Variants in PAH observed in about 807,000 individuals in gnomAD.
PAH encodes the protein phenylalanine-4-hydroxylase.
A neutral mutation model predicts 62.0 loss-of-function variants in PAH; 64 were observed. The ratio of observed to expected loss-of-function variants is 1.03; its 90% confidence interval spans 0.84 to 1.27. The LOEUF (loss-of-function observed/expected upper bound fraction) is 1.27. Ranked by LOEUF, PAH falls within the 50% of genes most tolerant of loss-of-function variation. The pLI is 0.00. For synonymous variants in PAH, 195 were observed against 196.2 expected (o/e 0.99, Z 0.05); for missense variants, 579 against 542.8 (o/e 1.07, Z -0.66).
intron 5 of PAH, among the ~76,000 whole-genome samples, chr12:102,856,301 T>G (rs1287640141): frequency 6.6e-6 from 1 of 152,116 alleles, no homozygotes; most frequent in Non-Finnish European, 1.5e-5. Flanking sequence ...TGATGCAAAC[T>G]ATAGTTTAAA....
chr12:102,858,231 G>T (rs1337431705), intron 5 of PAH, among the ~76,000 whole-genome samples: 1 of 152,078 alleles, frequency 6.6e-6, no homozygotes, highest in Non-Finnish European at 1.5e-5. Context: ...GACAAAGAAG[G>T]TCACTACACA....
chr12:102,957,441 C>A lies in PAH; in HGVS notation c.-96+754G>T, dbSNP rs1008546964. 3.3e-5 allele frequency among the ~76,000 whole-genome samples: 5 copies of A among 151,538 alleles called. No homozygotes were observed. Among genetic ancestry groups the A allele is most frequent in the Non-Finnish European group, 5.9e-5 (4 of 67,944 alleles). ...GCGCCAGGCGCACGCACTGCAACAA[C>A]AAACCCAGCTGAATGGAGAGTTTGC... On this transcript the variant is annotated intron_variant, in intron 1 of 4. Transcript: ENST00000551337. The surrounding 1 kb of genome is among the most constrained non-coding windows in gnomAD (Gnocchi z 4.1).
chr12:102,868,126 G>GTA (rs1182277046), intron 4 of PAH, among the ~76,000 whole-genome samples: 645 of 6,316 alleles, frequency 0.1, 82 homozygotes, highest in Non-Finnish European at 0.26. Flanking sequence ...ACATATATGT[G>GTA]TATATATATA....
rs1879974226 is a variant in PAH, at chr12:102,957,894, G to A, written c.-96+301C>T. The A allele has an allele frequency of 1.4e-5, 3 of 207,322 alleles. No individual in the cohort carries two copies. The highest frequency in any genetic ancestry group is 6.9e-5 in the African/African-American group (3 of 43,550). 12.8% of individuals were successfully genotyped at this position (207,322 alleles called of 1,614,324 possible). A position where few individuals can be genotyped will look rare whatever the true frequency, so the allele number is the denominator to read the frequency against. ...CAGAGCGCGTTCAGCACTGACTTTT[G>A]CTGCTGCTTCTGCTTTTTTTTTTCT... On this transcript the variant is annotated intron_variant, in intron 1 of 4. Transcript: ENST00000551337. This position sits in a 1 kb window ranked among gnomAD's most constrained non-coding sequence, Gnocchi z 4.1.
At chr12:102,856,682 T>C (rs11111404) in intron 5 of PAH, among the ~76,000 whole-genome samples, 42,680 of 152,084 alleles carry the variant, frequency 0.28, 6,625 homozygotes, top group East Asian at 0.75. Flanking sequence ...CAGAAATATT[T>C]GCTGTTCTGC....
chr12:102,885,174 T>G (rs1876979961), intron 3 of PAH, among the ~76,000 whole-genome samples: 1 of 152,144 alleles, frequency 6.6e-6, no homozygotes, highest in African/African-American at 2.4e-5. Flanking sequence ...AGGACAGCCT[T>G]GAGTCTGCCC....
intron 11 of PAH, among the ~76,000 whole-genome samples, chr12:102,842,706 C>T (rs1874644574): frequency 6.6e-6 from 1 of 152,114 alleles, no homozygotes; most frequent in South Asian, 2.1e-4. Flanking sequence ...TCTTTCCTCC[C>T]TCATGTCTCT....
intron 1 of PAH, among the ~76,000 whole-genome samples, chr12:102,925,687 C>T (rs1000454334): frequency 1.3e-5 from 2 of 152,092 alleles, no homozygotes; most frequent in African/African-American, 4.8e-5. Flanking sequence ...TCGTTTTAGT[C>T]TAACTTTTCC....
At chr12:102,910,323 C>T (rs1307459033) in intron 2 of PAH, among the ~76,000 whole-genome samples, 1 of 151,348 alleles carries the variant, frequency 6.6e-6, no homozygotes, top group African/African-American at 2.4e-5. Flanking sequence ...TGTCATACCA[C>T]AGGAATCACA....
At chr12:102,848,436 A>G (rs1421571089) in intron 8 of PAH, among the ~76,000 whole-genome samples, 122 of 72,030 alleles carry the variant, frequency 1.7e-3, no homozygotes, top group East Asian at 5.9e-3. Flanking sequence ...GAGGTTGAGG[A>G]TAGACAGGAC....
At chr12:102,886,209 G>C (rs1441741711) in intron 3 of PAH, 1 of 152,216 alleles carries the variant, frequency 6.6e-6, no homozygotes, top group Non-Finnish European at 1.5e-5. Context: ...CAGAAGTCAG[G>C]AGTGGTGATT....
chr12:102,940,765 CA>C (rs1879258968), intron 1 of PAH, among the ~76,000 whole-genome samples: 1 of 152,132 alleles, frequency 6.6e-6, no homozygotes, highest in Non-Finnish European at 1.5e-5. Flanking sequence ...ATATCGTCCA[CA>C]AAAATTTTCC....
At chr12:102,956,868 G>A (rs1472711045) in intron 1 of PAH, among the ~76,000 whole-genome samples, 1 of 152,010 alleles carries the variant, frequency 6.6e-6, no homozygotes, top group Non-Finnish European at 1.5e-5. Context: ...CTCAGTTATG[G>A]GGAGCACATC....
intron 2 of PAH, among the ~76,000 whole-genome samples, chr12:102,895,889 T>TATATATATATATATATATAG (rs1877486371): frequency 6.8e-6 from 1 of 147,276 alleles, no homozygotes; most frequent in African/African-American, 2.5e-5. Flanking sequence ...TATATATATA[T>TATATATATATATATATATAG]ATGTATATAA....
In PAH at chr12:102,943,378, C is replaced by A. The variant is rs536879417; in HGVS notation, c.-96+7211G>T. On this transcript the variant is annotated intron_variant, in intron 1 of 3. Transcript: ENST00000546844. ...TCAAAACCACAATGAGATACCATCT[C>A]ACACTAATCAGAATGGCGATCATGA... is the stretch of plus-strand genomic sequence containing the variant. Among the ~76,000 whole-genome samples, 9 of 152,238 alleles carry A rather than the reference C, an allele frequency of 5.9e-5. No homozygotes were observed. In the East Asian group the frequency reaches 1.5e-3, roughly 26 times the overall value.
Position 102,866,552 on chromosome 12 carries a change from G to A in PAH, c.509+44C>T, listed in dbSNP as rs1350292885. The A allele has an allele frequency of 5.5e-6, 8 of 1,443,246 alleles. No individual in the cohort carries two copies. The African/African-American group carries it at 8.4e-5, about 15-fold the overall frequency. 89.4% of individuals were successfully genotyped at this position (1,443,246 alleles called of 1,614,324 possible). A position where few individuals can be genotyped will look rare whatever the true frequency, so the allele number is the denominator to read the frequency against. ...GAGGGCAAGGGAGAAGCAGGCTAGGGGTGTGTTTTTCTCTCTTCCCCTCAA... is the reference window on the plus strand; with the variant it reads ...GAGGGCAAGGGAGAAGCAGGCTAGGAGTGTGTTTTTCTCTCTTCCCCTCAA... On this transcript the variant is annotated intron_variant, in intron 5 of 12. Coordinates refer to ENST00000553106, the MANE Select transcript of PAH (RefSeq NM_000277.3).
intron 11 of PAH, among the ~76,000 whole-genome samples, chr12:102,842,623 G>A (rs998833596): frequency 1.3e-5 from 2 of 152,148 alleles, no homozygotes; most frequent in African/African-American, 2.4e-5. Flanking sequence ...GTCTGGGGGG[G>A]ATGGAATTTG....
chr12:102,907,582 G>A (rs78814848), intron 2 of PAH, among the ~76,000 whole-genome samples: 10 of 151,794 alleles, frequency 6.6e-5, no homozygotes, highest in Admixed American at 1.3e-4. Context: ...CTCTCTTAAC[G>A]TAGCATCTTT....
intron 3 of PAH, among the ~76,000 whole-genome samples, chr12:102,893,771 C>A (rs1438692789): frequency 1.3e-5 from 2 of 152,222 alleles, no homozygotes; most frequent in Non-Finnish European, 2.9e-5. Flanking sequence ...CCTTTTCCTC[C>A]CCGGAGGATG....
Sources: gnomAD v4.1 joint callset for allele counts (sites outside exome capture counted in the v4.1 genomes callset) on GRCh38, gnomAD v4.1.1 for gene constraint, Gnocchi (gnomAD v3.1) non-coding constraint, MANE v1.5 for transcripts, NCBI Gene and HGNC (gene_info 2026-07-23, HGNC 2026-07-21) for gene names.